Variants in PLA2G7 observed in about 807,000 individuals in gnomAD.
PLA2G7 encodes the protein platelet-activating factor acetylhydrolase.
Under a neutral mutation model 49.6 loss-of-function variants are expected in PLA2G7, and 63 were observed. The ratio of observed to expected loss-of-function variants is 1.27; its 90% confidence interval spans 1.04 to 1.57. The LOEUF is 1.57. Among genes scored for constraint, PLA2G7 ranks in the 40% most tolerant of loss-of-function variants. The pLI, the probability that PLA2G7 is intolerant of heterozygous loss-of-function variation, is 0.00. For synonymous variants in PLA2G7, 193 were observed against 169.9 expected (o/e 1.14, Z -1.06); for missense variants, 596 against 521.2 (o/e 1.14, Z -1.40).
intron 2 of PLA2G7, among the ~76,000 whole-genome samples, chr6:46,719,289 A>G (rs1387247364): frequency 6.6e-6 from 1 of 152,206 alleles, no homozygotes; most frequent in Non-Finnish European, 1.5e-5. Flanking sequence ...TACAGCCTCC[A>G]CACTGGTGAC....
chr6:46,726,919 G>A (rs1301510838), intron 1 of PLA2G7, among the ~76,000 whole-genome samples: 1 of 152,050 alleles, frequency 6.6e-6, no homozygotes, highest in African/African-American at 2.4e-5. Context: ...TGGGATTACA[G>A]GCATGAGCCA....
intron 7 of PLA2G7, 79 bp downstream of exon 7, chr6:46,711,417 G>A: frequency 6.6e-7 from 1 of 1,512,278 alleles, no homozygotes; most frequent in South Asian, 1.1e-5. Context: ...CTTGCCAGGT[G>A]TAAAATTAAA....
intron 1 of PLA2G7, 46 bp from the exon 2 acceptor site, chr6:46,722,971 G>C (rs930914800): frequency 2.5e-6 from 2 of 788,198 alleles, no homozygotes; most frequent in African/African-American, 3.4e-5. Context: ...GCAATGAAGA[G>C]GCCTTAAATA....
intron 1 of PLA2G7, among the ~76,000 whole-genome samples, chr6:46,728,753 G>C (rs1268513784): frequency 6.6e-6 from 1 of 152,216 alleles, no homozygotes; most frequent in Non-Finnish European, 1.5e-5. Flanking sequence ...AATAGTAAGA[G>C]TAAGAGTAAC....
chr6:46,724,981 C>T (rs973426714), intron 1 of PLA2G7, among the ~76,000 whole-genome samples: 3 of 152,204 alleles, frequency 2.0e-5, no homozygotes, highest in African/African-American at 7.2e-5. Context: ...GAATTTGACA[C>T]AATCCCTACT....
At chr6:46,716,050 A>G (rs921978633) in intron 4 of PLA2G7, among the ~76,000 whole-genome samples, 7 of 152,310 alleles carry the variant, frequency 4.6e-5, no homozygotes, top group Middle Eastern at 3.4e-3. Flanking sequence ...AGCACAGAGC[A>G]TGCGGGATAG....
Position 46,711,491 on chromosome 6 carries a change from T to A in PLA2G7, c.663+5A>T, listed in dbSNP as rs779343842. 2 of 1,613,586 alleles carry A rather than the reference T, an allele frequency of 1.2e-6. No individual in the cohort carries two copies. Among genetic ancestry groups the A allele is most frequent in the South Asian group, 2.2e-5 (2 of 91,080 alleles). ...CCAACCACCTCTCCTTTCACTGCAATGTACCTGCTCATTTCGTATATGTGT... is the reference window on the plus strand; with the variant it reads ...CCAACCACCTCTCCTTTCACTGCAAAGTACCTGCTCATTTCGTATATGTGT... On this transcript the variant is annotated splice_donor_5th_base_variant and intron_variant, in intron 7 of 11. Transcript: ENST00000274793.
intron 6 of PLA2G7, 140 bp from the exon 7 acceptor site, chr6:46,711,759 A>T (rs139261526): frequency 1.1e-6 from 1 of 893,234 alleles, no homozygotes; most frequent in Non-Finnish European, 1.8e-6. Context: ...TTTCTCTTAA[A>T]TTAAAGAAGA....
chr6:46,709,433 AT>A lies in PLA2G7; in HGVS notation c.778-16del, dbSNP rs751898164. The A allele has an allele frequency of 1.4e-6, 2 of 1,386,004 alleles. No homozygotes were observed. 85.9% of individuals were successfully genotyped at this position (1,386,004 alleles called of 1,614,324 possible). On this transcript the variant is annotated splice_polypyrimidine_tract_variant and intron_variant, in intron 8 of 11. Transcript: ENST00000274793. Reference sequence around the variant, plus strand: ...TCAATAGAGTCCTATTTGAAAAAGCATGATATAAATTTATAGCTATTTCGTG... The same window carrying A: ...TCAATAGAGTCCTATTTGAAAAAGCAGATATAAATTTATAGCTATTTCGTG...
Position 46,710,544 on chromosome 6 carries a change from C to A in PLA2G7, c.777+1G>T. The stretch of plus-strand genomic sequence containing the variant: ...GAGAAAAATTACTTTTTATAGCTTA[C>A]CTTCAGTTGTTCCATATCAAACTTT... On this transcript the variant is annotated splice_donor_variant, in intron 8 of 11. Coordinates refer to ENST00000274793, the MANE Select transcript of PLA2G7 (RefSeq NM_005084.4). LOFTEE classifies it high-confidence loss of function. 6.4e-7 allele frequency: 1 copy of A among 1,554,608 alleles called. No individual in the cohort carries two copies.
chr6:46,717,682 A>C (rs1407406592), intron 2 of PLA2G7, among the ~76,000 whole-genome samples: 1 of 149,100 alleles, frequency 6.7e-6, no homozygotes, highest in African/African-American at 2.5e-5. Flanking sequence ...CCTACATTCA[A>C]CGGAGCCTCT....
intron 2 of PLA2G7, among the ~76,000 whole-genome samples, chr6:46,722,188 C>T (rs1367278468): frequency 6.6e-6 from 1 of 152,164 alleles, no homozygotes; most frequent in African/African-American, 2.4e-5. Context: ...CCCCACTTAC[C>T]ACAAGGCAAG....
At chr6:46,735,029 C>T (rs1040662312) in intron 1 of PLA2G7, among the ~76,000 whole-genome samples, 151 bp downstream of exon 1, 24 of 152,136 alleles carry the variant, frequency 1.6e-4, no homozygotes, top group Non-Finnish European at 3.4e-4. Context: ...TTTCCGAGGG[C>T]TGCAGGGACT....
chr6:46,734,552 G>A (rs1043258551), intron 1 of PLA2G7, among the ~76,000 whole-genome samples: 1 of 151,144 alleles, frequency 6.6e-6, no homozygotes. Flanking sequence ...GGCGGGCGCG[G>A]TGGCTCATGC....
rs377632936 is a variant in PLA2G7 at position 46,709,396 on chromosome 6, AT to A, written c.799del (p.Ile267Ter). 2.5e-6 allele frequency: 4 copies of A among 1,600,402 alleles called. No individual in the cohort carries two copies. The highest frequency in any genetic ancestry group is 3.4e-6 in the Non-Finnish European group (4 of 1,168,004). ...QLKDSIDREK[I>X]AVIGHSFGGA... The stretch of plus-strand genomic sequence containing the variant: ...ACCAAAAGAATGTCCAATTACTGCT[AT>A]TTTTTCCCTATCAATAGAGTCCTAT... On this transcript the variant is annotated frameshift_variant, in exon 9 of 12. Transcript: ENST00000274793. LOFTEE classifies it high-confidence loss of function.
At chr6:46,728,650 G>A (rs1440901486) in intron 1 of PLA2G7, among the ~76,000 whole-genome samples, 1 of 152,202 alleles carries the variant, frequency 6.6e-6, no homozygotes, top group Admixed American at 6.5e-5. Flanking sequence ...GTCATAAAAG[G>A]TAAAAGTTGT....
intron 2 of PLA2G7, 81 bp from the exon 3 acceptor site, chr6:46,717,177 A>T: frequency 7.9e-7 from 1 of 1,268,922 alleles, no homozygotes; most frequent in Non-Finnish European, 1.2e-6. Flanking sequence ...CAACGGAATC[A>T]AGTTACTTCC....
At chr6:46,711,191 G>A (rs1292033906) in intron 7 of PLA2G7, among the ~76,000 whole-genome samples, 2 of 152,098 alleles carry the variant, frequency 1.3e-5, no homozygotes, top group Non-Finnish European at 2.9e-5. Flanking sequence ...TTGTCTGTGA[G>A]GAAGAATCTA....
At chr6:46,707,327 A>G (rs1166353553) in intron 10 of PLA2G7, among the ~76,000 whole-genome samples, 1 of 152,182 alleles carries the variant, frequency 6.6e-6, no homozygotes, top group Non-Finnish European at 1.5e-5. Flanking sequence ...GTTTAGATTG[A>G]AGTAGCATGT....
Sources: allele counts gnomAD v4.1 joint callset (sites outside exome capture counted in the v4.1 genomes callset), GRCh38; gene constraint gnomAD v4.1.1; transcripts MANE v1.5; gene names NCBI Gene and HGNC (gene_info 2026-07-23, HGNC 2026-07-21).